The following PSMC6 variants were observed in gnomAD, a reference collection of about 807,000 sequenced individuals.
PSMC6 encodes the protein 26S proteasome regulatory subunit 10B.
A neutral mutation model predicts 55.9 loss-of-function variants in PSMC6; 3 were observed. That is an observed-to-expected ratio of 0.05 (90% CI 0.02 to 0.14). The LOEUF is 0.14. PSMC6 is among the 10% of genes least tolerant of loss of function. The probability of loss-of-function intolerance (pLI) is 1.00; values close to 1 mark genes in which losing one functional copy is unlikely to be tolerated. For synonymous variants in PSMC6, 137 were observed against 155.9 expected (o/e 0.88, Z 0.90); for missense variants, 210 against 478.7 (o/e 0.44, Z 5.24).
intron 6 of PSMC6, 138 bp downstream of exon 6, chr14:52,711,662 CTAAGAAGAA>C (rs1273319259): frequency 2.3e-6 from 1 of 439,598 alleles, no homozygotes; most frequent in Admixed American, 4.3e-5. Flanking sequence ...ACTATTCTTG[CTAAGAAGAA>C]TAGCACTGAA....
chr14:52,718,137 TTAAAGG>T lies in PSMC6; in HGVS notation c.591+2_591+7del. The T allele has an allele frequency of 6.2e-7, 1 of 1,613,550 alleles. No homozygotes were observed. Among genetic ancestry groups the T allele is most frequent in the East Asian group, 2.2e-5 (1 of 44,882 alleles). Reference sequence around the variant, plus strand: ...TGCTAGCCAGCTGGACTGCAATTTCTTAAAGGTAAAGGGAAGATTATTTTGTACTTA... The same window carrying T: ...TGCTAGCCAGCTGGACTGCAATTTCTTAAAGGGAAGATTATTTTGTACTTA... On this transcript the variant is annotated splice_donor_variant and coding_sequence_variant, in exon 8 of 14. Transcript: ENST00000445930. LOFTEE classifies it high-confidence loss of function.
chr14:52,713,814 T>A, intron 6 of PSMC6, 67 bp from the exon 7 acceptor site: 1 of 1,017,308 alleles, frequency 9.8e-7, no homozygotes, highest in Non-Finnish European at 1.5e-6. Context: ...ATATTTGACT[T>A]AGAGTATTTG....
intron 9 of PSMC6, 87 bp downstream of exon 9, chr14:52,718,439 C>A: frequency 7.2e-7 from 1 of 1,383,310 alleles, no homozygotes; most frequent in Non-Finnish European, 9.9e-7. Context: ...GTAATTGTGA[C>A]TTGTATGAAG....
intron 7 of PSMC6, among the ~76,000 whole-genome samples, chr14:52,716,956 G>C (rs1455202071): frequency 6.6e-6 from 1 of 152,190 alleles, no homozygotes; most frequent in African/African-American, 2.4e-5. Context: ...TAGAAACCAA[G>C]AGTAGAATGG....
intron 7 of PSMC6, among the ~76,000 whole-genome samples, chr14:52,716,828 C>T (rs1297040561): frequency 6.6e-6 from 1 of 152,134 alleles, no homozygotes; most frequent in Non-Finnish European, 1.5e-5. Flanking sequence ...GAAACTCTGT[C>T]ATTTGTGACA....
intron 13 of PSMC6, among the ~76,000 whole-genome samples, chr14:52,725,639 T>C (rs2884343): frequency 0.62 from 94,771 of 152,072 alleles, 29,705 homozygotes; most frequent in African/African-American, 0.68. Context: ...TCCTTTATCT[T>C]CCAGTAGCTG....
intron 11 of PSMC6, 26 bp from the exon 12 acceptor site, chr14:52,721,084 A>G: frequency 1.3e-6 from 2 of 1,577,942 alleles, no homozygotes; most frequent in Non-Finnish European, 1.7e-6. Context: ...ATAAAACTGG[A>G]CTATAAAATA....
At chr14:52,726,060 T>A (rs1880397263) in intron 13 of PSMC6, among the ~76,000 whole-genome samples, 1 of 152,230 alleles carries the variant, frequency 6.6e-6, no homozygotes, top group South Asian at 2.1e-4. Flanking sequence ...CTCCCTCATT[T>A]TATGTAAGTG....
At chr14:52,707,813 C>T (rs1054564715) in intron 1 of PSMC6, among the ~76,000 whole-genome samples, 2 of 152,158 alleles carry the variant, frequency 1.3e-5, no homozygotes, top group Admixed American at 1.3e-4. Context: ...TTTCCCTTAC[C>T]TCCTGAGTGC....
chr14:52,724,166 G>A (rs112724513), intron 13 of PSMC6, 130 bp downstream of exon 13: 35 of 776,338 alleles, frequency 4.5e-5, no homozygotes, highest in African/African-American at 3.2e-4. Context: ...TTTAGGAATC[G>A]ATTCCAGGAA....
At chr14:52,724,156 T>TTTAGGAATCGATTCCAG (rs2139858096) in intron 13 of PSMC6, 120 bp downstream of exon 13, 1 of 852,136 alleles carries the variant, frequency 1.2e-6, no homozygotes, top group Non-Finnish European at 1.8e-6. Flanking sequence ...ATGCTGTTCT[T>TTTAGGAATCGATTCCAG]TTAGGAATCG....
chr14:52,708,294 A>T lies in PSMC6; in HGVS notation c.86-15A>T. The T allele has an allele frequency of 6.3e-7, 1 of 1,586,696 alleles. No individual in the cohort carries two copies. The highest frequency in any genetic ancestry group is 8.7e-7 in the Non-Finnish European group (1 of 1,155,396). On this transcript the variant is annotated splice_polypyrimidine_tract_variant and intron_variant, in intron 1 of 13. Coordinates refer to ENST00000445930, the MANE Select transcript of PSMC6 (RefSeq NM_002806.5). ...TTACTGTTCAATTAAAAATGTTCAA[A>T]TTGTATTATTTCAGTAAGGGAACAA...
chr14:52,728,413 A>G lies in PSMC6; in HGVS notation c.*796A>G, dbSNP rs1880509624. 6.6e-6 allele frequency: 1 copy of G among 152,170 alleles called. No individual in the cohort carries two copies. The highest frequency in any genetic ancestry group is 1.5e-5 in the Non-Finnish European group (1 of 68,034). The allele number at this position is 152,170 out of a possible 1,614,324, so 9.4% of individuals were successfully genotyped here. ...TAACATACAATTTTGCGTATACTAT[A>G]ATTTCAGGAAATTTATTGTTTCCCA... On this transcript the variant is annotated 3_prime_UTR_variant, in exon 14 of 14. Coordinates refer to ENST00000445930, the MANE Select transcript of PSMC6 (RefSeq NM_002806.5).
intron 13 of PSMC6, among the ~76,000 whole-genome samples, chr14:52,724,271 C>T (rs1880317580): frequency 6.6e-6 from 1 of 152,142 alleles, no homozygotes; most frequent in Non-Finnish European, 1.5e-5. Flanking sequence ...GGTTAGATCT[C>T]AGAGAAGCAT....
chr14:52,713,079 A>C (rs1196388374), intron 6 of PSMC6, among the ~76,000 whole-genome samples: 1 of 152,102 alleles, frequency 6.6e-6, no homozygotes, highest in Non-Finnish European at 1.5e-5. Flanking sequence ...AAAAGTACAA[A>C]AATTAGCCAG....
intron 12 of PSMC6, chr14:52,723,062 C>G (rs531877286): frequency 6.6e-6 from 1 of 152,188 alleles, no homozygotes; most frequent in African/African-American, 2.4e-5. Context: ...CTGGAAAGAC[C>G]GAACTGAACA....
chr14:52,718,395 A>T, intron 9 of PSMC6, 43 bp downstream of exon 9: 1 of 1,569,282 alleles, frequency 6.4e-7, no homozygotes, highest in Non-Finnish European at 8.7e-7. Context: ...ACTTTTTTTT[A>T]AATGTAAAAG....
intron 7 of PSMC6, among the ~76,000 whole-genome samples, chr14:52,716,485 G>A (rs2041831056): frequency 1.3e-5 from 2 of 152,252 alleles, no homozygotes; most frequent in Admixed American, 6.5e-5. Flanking sequence ...CGGGTGCAGT[G>A]GCTCATACCT....
chr14:52,716,478 G>A (rs2041830954), intron 7 of PSMC6, among the ~76,000 whole-genome samples: 2 of 152,180 alleles, frequency 1.3e-5, no homozygotes, highest in African/African-American at 2.4e-5. Flanking sequence ...TGGTAGCCGG[G>A]TGCAGTGGCT....
Sources: gnomAD v4.1 joint callset for allele counts (sites outside exome capture counted in the v4.1 genomes callset) on GRCh38, gnomAD v4.1.1 for gene constraint, MANE v1.5 for transcripts, NCBI Gene and HGNC (gene_info 2026-07-23, HGNC 2026-07-21) for gene names.